Variants in SLC26A6 observed in about 807,000 individuals in gnomAD.
SLC26A6 encodes anion exchange transporter.
SLC26A6 carries 67 observed loss-of-function variants against 87.1 expected under a neutral mutation model. The observed-to-expected ratio is 0.77, with a 90% confidence interval of 0.63 to 0.94. SLC26A6 has a LOEUF of 0.94. SLC26A6 is among the 40% of genes least tolerant of loss of function. SLC26A6 has a pLI of 0.00. For missense variants in SLC26A6, 902 were observed against 973.0 expected, an observed-to-expected ratio of 0.93 and a Z score of 0.97; for synonymous variants, 414 against 405.9, an observed-to-expected ratio of 1.02 and a Z score of -0.24.
At chr3:48,632,925 A>C (rs746419810) in intron 4 of SLC26A6, 49 bp downstream of exon 4, 113 of 1,546,264 alleles carry the variant, frequency 7.3e-5, no homozygotes, top group Non-Finnish European at 9.0e-5. Flanking sequence ...CCTGCCCTCC[A>C]TGATGGATGT....
At chr3:48,626,582 G>A in intron 19 of SLC26A6, 49 bp downstream of exon 19, 1 of 1,612,212 alleles carries the variant, frequency 6.2e-7, no homozygotes, top group Non-Finnish European at 8.5e-7. Context: ...TTGGCCAAAA[G>A]TATCCTACCC....
At chr3:48,629,009 CCAGA>C (rs2106652889) in intron 14 of SLC26A6, among the ~76,000 whole-genome samples, 1 of 152,272 alleles carries the variant, frequency 6.6e-6, no homozygotes, top group African/African-American at 2.4e-5. Flanking sequence ...TTTTCTGCAC[CCAGA>C]CAGAGGTCCT....
chr3:48,632,175 G>A, intron 5 of SLC26A6, 70 bp downstream of exon 5: 1 of 1,576,548 alleles, frequency 6.3e-7, no homozygotes, highest in Non-Finnish European at 8.6e-7. Flanking sequence ...GACACTCAGG[G>A]GAGTACAGAC....
At chr3:48,630,412 T>C in intron 11 of SLC26A6, 26 bp downstream of exon 11, 3 of 1,551,908 alleles carry the variant, frequency 1.9e-6, no homozygotes, top group Non-Finnish European at 1.7e-6. Context: ...GGCCAAGACC[T>C]GAAACCTGGC....
chr3:48,630,989 A>G lies in SLC26A6; in HGVS notation c.1134+4T>C, dbSNP rs1249639971. 3.1e-6 allele frequency: 5 copies of G among 1,613,582 alleles called. No homozygotes were observed. The East Asian group carries it at 1.1e-4, about 36-fold the overall frequency. ...GCCTCCTACACATCCCGCATCACCC[A>G]GACCTGGTTGCTGTCCACCCGGTAG... On this transcript the variant is annotated splice_donor_region_variant and intron_variant, in intron 9 of 20. Coordinates refer to ENST00000395550, the MANE Select transcript of SLC26A6 (RefSeq NM_022911.3).
rs1462019453 is a variant in SLC26A6 at position 48,633,120 on chromosome 3, G to A, written c.323-36C>T. 5 of 1,595,556 alleles carry A rather than the reference G, an allele frequency of 3.1e-6. No individual in the cohort carries two copies. The South Asian group carries it at 3.4e-5, about 11-fold the overall frequency. ...AATGGTAGCAGTGCAGGCCTGGAGA[G>A]CAGATCTTGAAACGATAAGGGAATC... On this transcript the variant is annotated intron_variant, in intron 3 of 20. Transcript: ENST00000395550.
At chr3:48,629,788 C>T in intron 13 of SLC26A6, 77 bp from the exon 14 acceptor site, 8 of 1,609,824 alleles carry the variant, frequency 5.0e-6, no homozygotes, top group Non-Finnish European at 6.8e-6. Flanking sequence ...AGCCTGAAGT[C>T]CCCAGAGATG....
Position 48,628,446 on chromosome 3 carries a change from C to T in SLC26A6, c.1788G>A (p.Lys596=). 6.2e-7 allele frequency: 1 copy of T among 1,614,078 alleles called. No homozygotes were observed. The highest frequency in any genetic ancestry group is 1.1e-5 in the South Asian group (1 of 91,084). The change falls in exon 16 of 21, where the codon AAG becomes AAA. Residue 596 remains lysine, a synonymous_variant. Coordinates refer to ENST00000395550, the MANE Select transcript of SLC26A6 (RefSeq NM_022911.3). The surrounding 1 kb of genome is among the most constrained non-coding windows in gnomAD (Gnocchi z 4.4). Reference sequence around the variant, plus strand: ...AAAGGGGCCCTGCCTGTTTCCGAAGCTTCTCCTCTTTCTGCAGTTGCTTCA... The same window carrying T: ...AAAGGGGCCCTGCCTGTTTCCGAAGTTTCTCCTCTTTCTGCAGTTGCTTCA... ...LKLKQLQKEE[K]LRKQAASPKG...
chr3:48,633,433 A>C (rs1575531777), intron 2 of SLC26A6, 43 bp from the exon 3 acceptor site: 1 of 1,612,372 alleles, frequency 6.2e-7, no homozygotes, highest in South Asian at 1.1e-5. Context: ...AACAGGGGCT[A>C]CCTGGGCCCC....
chr3:48,630,610 C>G lies in SLC26A6; in HGVS notation c.1245G>C (p.Ser415=), dbSNP rs202049661. 6 of 1,576,114 alleles carry G rather than the reference C, an allele frequency of 3.8e-6. No homozygotes were observed. The African/African-American group carries it at 6.7e-5, about 18-fold the overall frequency. ...SLVQESTGGN[S]QVAGAISSLF... is the part of the protein sequence containing the mutation. ...CATGCCCACACCCAAAGCCCACCTG[C>G]GAGTTGCCCCCGGTGCTCTCCTGTA... Residue 415 remains serine (S), a synonymous_variant, in exon 10 of 21, where the codon TCG becomes TCC. Coordinates refer to ENST00000395550, the MANE Select transcript of SLC26A6 (RefSeq NM_022911.3).
chr3:48,629,790 C>T, intron 13 of SLC26A6, 79 bp from the exon 14 acceptor site: 1 of 1,610,560 alleles, frequency 6.2e-7, no homozygotes, highest in East Asian at 2.2e-5. Context: ...CCTGAAGTCC[C>T]CAGAGATGTG....
chr3:48,626,543 C>G (rs1195725453), intron 19 of SLC26A6, 88 bp downstream of exon 19: 37 of 1,593,976 alleles, frequency 2.3e-5, no homozygotes, highest in East Asian at 6.7e-5. Context: ...CAGAGAAAGA[C>G]TTTTTCCTTG....
At chr3:48,629,001 T>C (rs2046705283) in intron 14 of SLC26A6, among the ~76,000 whole-genome samples, 1 of 152,154 alleles carries the variant, frequency 6.6e-6, no homozygotes, top group African/African-American at 2.4e-5. Flanking sequence ...GTGTTCTGTT[T>C]TCTGCACCCA....
chr3:48,634,014 G>T, intron 1 of SLC26A6: 1 of 365,784 alleles, frequency 2.7e-6, no homozygotes. Flanking sequence ...TGCCCCGGGA[G>T]CCCACTGCTG....
In SLC26A6 at chr3:48,628,027, G is replaced by A; in HGVS notation, c.1812C>T (p.Pro604=). 3 of 1,578,094 alleles carry A rather than the reference G, an allele frequency of 1.9e-6. No homozygotes were observed. Among genetic ancestry groups the A allele is most frequent in the Non-Finnish European group, 2.6e-6 (3 of 1,167,914 alleles). The change falls in exon 17 of 21, where the codon CCC becomes CCT. Residue 604 remains proline, a synonymous_variant. Transcript: ENST00000395550. The surrounding 1 kb of genome is among the most constrained non-coding windows in gnomAD (Gnocchi z 4.4). ...EEKLRKQAAS[P]KGASVSINVN... ...CATTAATGGAAACTGAGGCGCCCTT[G>A]GGGGAGGCAGCCTACACCAGGGAAG...
chr3:48,632,215 G>T, intron 5 of SLC26A6, 30 bp downstream of exon 5: 3 of 1,569,622 alleles, frequency 1.9e-6, no homozygotes, highest in Non-Finnish European at 2.6e-6. Context: ...AAGTGGTGGT[G>T]GGGGGCACAT....
In SLC26A6 at chr3:48,625,781, C is replaced by T. The variant is rs1236500760; in HGVS notation, c.*205G>A. 8 of 635,828 alleles carry T rather than the reference C, an allele frequency of 1.3e-5. No individual in the cohort carries two copies. The highest frequency in any genetic ancestry group is 5.5e-5 in the African/African-American group (3 of 54,902). 39.4% of individuals were successfully genotyped at this position (635,828 alleles called of 1,614,324 possible). On this transcript the variant is annotated 3_prime_UTR_variant, in exon 21 of 21. Transcript: ENST00000395550. This position sits in a 1 kb window ranked among gnomAD's most constrained non-coding sequence, Gnocchi z 4.7. ...ATATGCACCAGTTCCCTCCCTGTACCGCGCCACTGCCAGCCTGACTGCATG... is the reference window on the plus strand; with the variant it reads ...ATATGCACCAGTTCCCTCCCTGTACTGCGCCACTGCCAGCCTGACTGCATG...
Position 48,630,633 on chromosome 3 carries a change from G to A in SLC26A6, c.1222C>T (p.Gln408Ter). ...TGCGAGTTGCCCCCGGTGCTCTCCT[G>A]TACCAGGCTCCGAGACATAGAGCAA... ...VSCSMSRSLV[Q>*]ESTGGNSQVA... The change falls in exon 10 of 21, where the codon CAG (glutamine) becomes TAG (stop). Residue 408 changes from glutamine to a stop codon, truncating the protein, a stop_gained. Transcript: ENST00000395550. LOFTEE classifies it high-confidence loss of function. 6.3e-7 allele frequency: 1 copy of A among 1,590,926 alleles called. No homozygotes were observed. The highest frequency in any genetic ancestry group is 1.3e-5 in the African/African-American group (1 of 74,600).
At chr3:48,635,302 C>G in intron 1 of SLC26A6, 69 bp downstream of exon 1, 1 of 1,340,892 alleles carries the variant, frequency 7.5e-7, no homozygotes, top group Non-Finnish European at 1.0e-6. Flanking sequence ...AGCGAGGCGT[C>G]GCAAGCGGAG....
Sources: allele counts gnomAD v4.1 joint callset (sites outside exome capture counted in the v4.1 genomes callset), GRCh38; gene constraint gnomAD v4.1.1; non-coding constraint Gnocchi (gnomAD v3.1); transcripts MANE v1.5; gene names NCBI Gene and HGNC (gene_info 2026-07-23, HGNC 2026-07-21).